Variants in RIMBP2 observed in about 807,000 individuals in gnomAD.
The protein encoded by RIMBP2 is RIMS binding protein 2, also known as RIMS-binding protein 2.
A neutral mutation model predicts 118.6 loss-of-function variants in RIMBP2; 48 were observed. The ratio of observed to expected loss-of-function variants is 0.40; its 90% confidence interval spans 0.32 to 0.51. The LOEUF (loss-of-function observed/expected upper bound fraction) is 0.51. Ranked by LOEUF, RIMBP2 falls within the 20% of genes least tolerant of loss-of-function variation. The probability of loss-of-function intolerance (pLI) is 0.41; values close to 1 mark genes in which losing one functional copy is unlikely to be tolerated. For synonymous variants in RIMBP2, 762 were observed against 742.9 expected (o/e 1.03, Z -0.42); for missense variants, 1,551 against 1,768.3 (o/e 0.88, Z 2.20).
intron 2 of RIMBP2, among the ~76,000 whole-genome samples, chr12:130,602,583 C>G (rs2059936979): frequency 6.6e-6 from 1 of 152,208 alleles, no homozygotes; most frequent in Non-Finnish European, 1.5e-5. Flanking sequence ...GCCTTGTGTG[C>G]CATTGGCAGG....
At chr12:130,559,743 C>T (rs1356710085) in intron 2 of RIMBP2, among the ~76,000 whole-genome samples, 1 of 152,186 alleles carries the variant, frequency 6.6e-6, no homozygotes, top group African/African-American at 2.4e-5. Flanking sequence ...GCTGTAGAGA[C>T]TAAGGGTGCT....
At chr12:130,664,443 ACACGCACACACATG>A (rs1339733403) in intron 1 of RIMBP2, among the ~76,000 whole-genome samples, 16 of 64,576 alleles carry the variant, frequency 2.5e-4, no homozygotes, top group Admixed American at 7.7e-4. Context: ...ATGCACGCAC[ACACGCACACACATG>A]CACGCACACA....
chr12:130,524,233 G>A (rs1196747959), intron 2 of RIMBP2, among the ~76,000 whole-genome samples: 1 of 152,192 alleles, frequency 6.6e-6, no homozygotes, highest in East Asian at 1.9e-4. Flanking sequence ...TAATTCTTGT[G>A]TAAATGAGAT....
chr12:130,419,606 A>C lies in RIMBP2; in HGVS notation c.3238+2847T>G, dbSNP rs1341943285. ...TTAAGGGGCAAAGCTTTGTCAATAGAGTTACTAATGTTTTTATTTTTCCTC... is the reference window on the plus strand; with the variant it reads ...TTAAGGGGCAAAGCTTTGTCAATAGCGTTACTAATGTTTTTATTTTTCCTC... On this transcript the variant is annotated intron_variant, in intron 17 of 22. Transcript: ENST00000690449. The surrounding 1 kb of genome is among the most constrained non-coding windows in gnomAD (Gnocchi z 4.3). 1 of 152,218 alleles carries C rather than the reference A, an allele frequency of 6.6e-6. No homozygotes were observed. Among genetic ancestry groups the C allele is most frequent in the Non-Finnish European group, 1.5e-5 (1 of 68,040 alleles). 9.4% of individuals were successfully genotyped at this position (152,218 alleles called of 1,614,324 possible).
chr12:130,487,459 T>G (rs1210606290), intron 4 of RIMBP2, among the ~76,000 whole-genome samples: 2 of 152,162 alleles, frequency 1.3e-5, no homozygotes, highest in Non-Finnish European at 2.9e-5. Context: ...TTTCTCACCA[T>G]GTGATGCACC....
intron 3 of RIMBP2, among the ~76,000 whole-genome samples, chr12:130,517,085 T>C (rs1360121108): frequency 6.6e-6 from 1 of 152,090 alleles, no homozygotes; most frequent in Admixed American, 6.5e-5. Context: ...AGGTGGGGCC[T>C]TTAAGAGGTG....
At chr12:130,536,328 C>T (rs2054082847) in intron 2 of RIMBP2, among the ~76,000 whole-genome samples, 1 of 152,128 alleles carries the variant, frequency 6.6e-6, no homozygotes, top group South Asian at 2.1e-4. Flanking sequence ...CAGAATAGGT[C>T]GACACTGTTA....
chr12:130,438,344 A>AAAAAAAACCCCCCCCCC, intron 12 of RIMBP2, 21 bp downstream of exon 12: 1 of 685,546 alleles, frequency 1.5e-6, no homozygotes. Flanking sequence ...AACCCTCCCC[A>AAAAAAAACCCCCCCCCC]CCCACCCAAC....
intron 21 of RIMBP2, among the ~76,000 whole-genome samples, chr12:130,403,318 C>T (rs894414708): frequency 8.5e-5 from 13 of 152,090 alleles, no homozygotes; most frequent in African/African-American, 2.4e-4. Context: ...TAAAAAGAAG[C>T]ATACGTTTCA....
intron 2 of RIMBP2, among the ~76,000 whole-genome samples, chr12:130,547,126 T>C (rs2055256232): frequency 6.6e-6 from 1 of 152,218 alleles, no homozygotes; most frequent in Admixed American, 6.5e-5. Context: ...TATGTCTGTG[T>C]CTTCTCTATT....
Position 130,414,148 on chromosome 12 carries a change from AG to A in RIMBP2, c.3396del (p.Phe1133LeufsTer45). 1 of 1,614,200 alleles carries A rather than the reference AG, an allele frequency of 6.2e-7. No individual in the cohort carries two copies. The highest frequency in any genetic ancestry group is 8.5e-7 in the Non-Finnish European group (1 of 1,180,036). ...PNPDAAEEEL[P>X]FKEGQIIKVY... is the part of the protein sequence containing the mutation. ...ACCTTGATGATCTGGCCTTCTTTAA[AG>A]GGAAGCTCCTCCTCTGCAGCATCTG... On this transcript the variant is annotated frameshift_variant, in exon 18 of 23. Transcript: ENST00000690449. LOFTEE classifies it high-confidence loss of function.
chr12:130,424,874 G>A lies in RIMBP2; in HGVS notation c.2413-16C>T, dbSNP rs1405584993. Reference sequence around the variant, plus strand: ...CAGTGCAGTCCTTACGGGGTGGTGTGTCAAGAACAGGCGCGGGAAAGAGTG... The same window carrying A: ...CAGTGCAGTCCTTACGGGGTGGTGTATCAAGAACAGGCGCGGGAAAGAGTG... On this transcript the variant is annotated splice_polypyrimidine_tract_variant and intron_variant, in intron 15 of 22. Coordinates refer to ENST00000690449, the MANE Select transcript of RIMBP2 (RefSeq NM_001393629.1). The surrounding 1 kb of genome is among the most constrained non-coding windows in gnomAD (Gnocchi z 9.8). 2.5e-6 allele frequency: 3 copies of A among 1,223,600 alleles called. No homozygotes were observed. Among genetic ancestry groups the A allele is most frequent in the Non-Finnish European group, 1.0e-6 (1 of 980,278 alleles). The allele number at this position is 1,223,600 out of a possible 1,614,324, so 75.8% of individuals were successfully genotyped here. A position where few individuals can be genotyped will look rare whatever the true frequency, so the allele number is the denominator to read the frequency against.
intron 6 of RIMBP2, 33 bp from the exon 7 acceptor site, chr12:130,456,733 G>T (rs760636548): frequency 2.8e-5 from 43 of 1,526,558 alleles, no homozygotes; most frequent in Non-Finnish European, 3.8e-5. Flanking sequence ...GGGGTCAGCG[G>T]TGGCATTTGG....
intron 2 of RIMBP2, among the ~76,000 whole-genome samples, chr12:130,616,667 A>G (rs2060954061): frequency 6.6e-6 from 1 of 152,156 alleles, no homozygotes; most frequent in African/African-American, 2.4e-5. Flanking sequence ...CCAATCCCGC[A>G]CCTTCCCAGC....
Position 130,537,127 on chromosome 12 carries a change from G to T in RIMBP2, c.-216-19210C>A, listed in dbSNP as rs577582051. 9.2e-5 allele frequency among the ~76,000 whole-genome samples: 14 copies of T among 152,220 alleles called. No individual in the cohort carries two copies. In the East Asian group the frequency reaches 2.5e-3, roughly 27 times the overall value. Reference sequence around the variant, plus strand: ...AGATGCAGTGTGGTGTCTTGGATGGGGTTCCAGGGCAGAACAATGATGCCA... The same window carrying T: ...AGATGCAGTGTGGTGTCTTGGATGGTGTTCCAGGGCAGAACAATGATGCCA... On this transcript the variant is annotated intron_variant, in intron 2 of 22. Coordinates refer to ENST00000690449, the MANE Select transcript of RIMBP2 (RefSeq NM_001393629.1).
intron 1 of RIMBP2, among the ~76,000 whole-genome samples, chr12:130,691,046 G>A (rs1164665675): frequency 1.3e-5 from 2 of 152,140 alleles, no homozygotes; most frequent in East Asian, 1.9e-4. Flanking sequence ...GAGCAAATGG[G>A]TTTCTCTTTC....
At chr12:130,460,946 C>T (rs1162532115) in intron 6 of RIMBP2, among the ~76,000 whole-genome samples, 1 of 152,126 alleles carries the variant, frequency 6.6e-6, no homozygotes, top group East Asian at 1.9e-4. Context: ...AAGTCACTCC[C>T]TTCTTGAAGC....
At chr12:130,428,147 G>C in intron 15 of RIMBP2, 32 bp downstream of exon 15, 4 of 1,552,944 alleles carry the variant, frequency 2.6e-6, no homozygotes, top group Non-Finnish European at 3.5e-6. Flanking sequence ...TCTGGGGACG[G>C]AGTGCAGGGT....
chr12:130,680,793 C>A (rs375734279), intron 1 of RIMBP2, among the ~76,000 whole-genome samples: 2 of 152,294 alleles, frequency 1.3e-5, no homozygotes, highest in South Asian at 4.1e-4. Flanking sequence ...CCCGTGGCAG[C>A]GCGACTGAGG....
Sources: allele counts gnomAD v4.1 joint callset (sites outside exome capture counted in the v4.1 genomes callset), GRCh38; gene constraint gnomAD v4.1.1; non-coding constraint Gnocchi (gnomAD v3.1); transcripts MANE v1.5; gene names NCBI Gene and HGNC (gene_info 2026-07-23, HGNC 2026-07-21).